Variants in ANO10 observed in about 807,000 individuals in gnomAD.
The protein encoded by ANO10 is anoctamin-10.
ANO10 carries 77 observed loss-of-function variants against 74.7 expected under a neutral mutation model. That is an observed-to-expected ratio of 1.03 (90% CI 0.86 to 1.25). The LOEUF (loss-of-function observed/expected upper bound fraction) is 1.25, where lower values mean the gene tolerates loss of function less well. ANO10 is among the 50% of genes most tolerant of loss of function. The pLI, the probability that ANO10 is intolerant of heterozygous loss-of-function variation, is 0.00. For synonymous variants in ANO10, 279 were observed against 284.9 expected (o/e 0.98, Z 0.21); for missense variants, 721 against 778.1 (o/e 0.93, Z 0.87).
At chr3:43,677,536 T>C (rs142162196) in intron 1 of ANO10, among the ~76,000 whole-genome samples, 354 of 152,382 alleles carry the variant, frequency 2.3e-3, no homozygotes, top group African/African-American at 8.0e-3. Flanking sequence ...CTTCAAAATA[T>C]AGTGGCTTAA....
intron 11 of ANO10, among the ~76,000 whole-genome samples, chr3:43,511,443 A>G (rs186382947): frequency 2.0e-5 from 3 of 152,294 alleles, no homozygotes; most frequent in East Asian, 3.9e-4. Context: ...TCCATATTAA[A>G]TTAACGTCTA....
At chr3:43,611,613 G>C (rs1230735892) in intron 1 of ANO10, among the ~76,000 whole-genome samples, 1 of 152,184 alleles carries the variant, frequency 6.6e-6, no homozygotes, top group Non-Finnish European at 1.5e-5. Context: ...ATTAATAAAA[G>C]TACATGCCAC....
intron 11 of ANO10, among the ~76,000 whole-genome samples, chr3:43,546,802 G>A (rs922261085): frequency 1.3e-5 from 2 of 152,084 alleles, no homozygotes; most frequent in East Asian, 1.9e-4. Flanking sequence ...AGGGACCTGT[G>A]GGAAAATACA....
At chr3:43,617,476 G>A (rs977017279) in intron 1 of ANO10, among the ~76,000 whole-genome samples, 4 of 152,040 alleles carry the variant, frequency 2.6e-5, no homozygotes, top group Admixed American at 6.5e-5. Context: ...ATCATGTGTC[G>A]AATTGCACAC....
chr3:43,479,612 A>G (rs1425328719), intron 11 of ANO10, among the ~76,000 whole-genome samples: 1 of 152,212 alleles, frequency 6.6e-6, no homozygotes, highest in Non-Finnish European at 1.5e-5. Context: ...TAGACTAAGT[A>G]GGAGAAAAGT....
intron 11 of ANO10, among the ~76,000 whole-genome samples, chr3:43,480,319 T>C (rs1381062207): frequency 6.6e-6 from 1 of 152,176 alleles, no homozygotes; most frequent in Non-Finnish European, 1.5e-5. Flanking sequence ...TTCAAGGATT[T>C]CACAGAACTG....
At chr3:43,648,645 C>T (rs1470019698) in intron 1 of ANO10, among the ~76,000 whole-genome samples, 1 of 145,198 alleles carries the variant, frequency 6.9e-6, no homozygotes, top group Non-Finnish European at 1.5e-5. Flanking sequence ...CTCTCGTGGC[C>T]TTCTTGGTTT....
chr3:43,547,707 C>T (rs545167456), intron 11 of ANO10, among the ~76,000 whole-genome samples: 10 of 152,152 alleles, frequency 6.6e-5, no homozygotes, highest in South Asian at 2.1e-4. Context: ...CTGTTTAACA[C>T]GAGACTAGCC....
At chr3:43,373,520 G>C (rs917489006) in intron 12 of ANO10, among the ~76,000 whole-genome samples, 1 of 152,318 alleles carries the variant, frequency 6.6e-6, no homozygotes, top group African/African-American at 2.4e-5. Context: ...TGTAATGTCT[G>C]TTTCTCAAAT....
intron 1 of ANO10, among the ~76,000 whole-genome samples, chr3:43,632,620 G>T (rs2083560494): frequency 6.6e-6 from 1 of 152,234 alleles, no homozygotes; most frequent in African/African-American, 2.4e-5. Context: ...CCAAATTGGA[G>T]TATGCCATCT....
chr3:43,366,801 G>T lies in ANO10; in HGVS notation c.*105C>A. On this transcript the variant is annotated 3_prime_UTR_variant, in exon 13 of 13. Transcript: ENST00000292246. Reference sequence around the variant, plus strand: ...CTTCGTTTGGCTAAGCATTGGGTCTGGGTTCAGGAGCCACGATGCTGCCCC... The same window carrying T: ...CTTCGTTTGGCTAAGCATTGGGTCTTGGTTCAGGAGCCACGATGCTGCCCC... 8.4e-7 allele frequency: 1 copy of T among 1,192,844 alleles called. No individual in the cohort carries two copies. The allele number at this position is 1,192,844 out of a possible 1,614,324, so 73.9% of individuals were successfully genotyped here.
At chr3:43,672,645 C>T (rs1174603426) in intron 1 of ANO10, among the ~76,000 whole-genome samples, 3 of 152,148 alleles carry the variant, frequency 2.0e-5, no homozygotes, top group East Asian at 1.9e-4. Context: ...ATGCTTAAAA[C>T]GTGTATCCCC....
chr3:43,444,715 A>T (rs932182817), intron 11 of ANO10, among the ~76,000 whole-genome samples: 2 of 152,010 alleles, frequency 1.3e-5, no homozygotes, highest in African/African-American at 4.8e-5. Flanking sequence ...CACACAATCG[A>T]CCTCCTGTGG....
chr3:43,613,878 C>T (rs143712886), intron 1 of ANO10, among the ~76,000 whole-genome samples: 3 of 152,120 alleles, frequency 2.0e-5, no homozygotes, highest in Admixed American at 1.3e-4. Context: ...AGCAAGCATG[C>T]ATCAAATTAT....
At chr3:43,386,687 G>GTGTGTGTC (rs1461458593) in intron 12 of ANO10, among the ~76,000 whole-genome samples, 13 of 150,944 alleles carry the variant, frequency 8.6e-5, no homozygotes, top group African/African-American at 2.9e-4. Context: ...GTGTGTGTGT[G>GTGTGTGTC]TCTCCAAATC....
chr3:43,536,285 C>A (rs1202819213), intron 11 of ANO10, among the ~76,000 whole-genome samples: 1 of 152,170 alleles, frequency 6.6e-6, no homozygotes, highest in Admixed American at 6.5e-5. Context: ...CTCATTAGAG[C>A]ACTAGAATTC....
At chr3:43,460,664 T>G (rs929180325) in intron 11 of ANO10, among the ~76,000 whole-genome samples, 12 of 152,052 alleles carry the variant, frequency 7.9e-5, no homozygotes, top group African/African-American at 2.9e-4. Context: ...CACCAAACAC[T>G]TGAGAAAAGT....
At chr3:43,480,340 G>A (rs1462047147) in intron 11 of ANO10, among the ~76,000 whole-genome samples, 1 of 152,212 alleles carries the variant, frequency 6.6e-6, no homozygotes, top group Non-Finnish European at 1.5e-5. Flanking sequence ...AAGAACAGGT[G>A]TCTGCAAGTG....
chr3:43,607,614 G>A (rs780909162), intron 1 of ANO10, among the ~76,000 whole-genome samples: 5 of 152,226 alleles, frequency 3.3e-5, no homozygotes, highest in Non-Finnish European at 5.9e-5. Context: ...AGATCACCCC[G>A]ATAGGAACTA....
Sources: gnomAD v4.1 joint callset for allele counts (sites outside exome capture counted in the v4.1 genomes callset) on GRCh38, gnomAD v4.1.1 for gene constraint, MANE v1.5 for transcripts, NCBI Gene and HGNC (gene_info 2026-07-23, HGNC 2026-07-21) for gene names.